The following PLEKHA8 variants were observed in gnomAD, a reference collection of about 807,000 sequenced individuals.
PLEKHA8 encodes pleckstrin homology domain containing A8, also known as pleckstrin homology domain-containing family A member 8.
Under a neutral mutation model 68.2 loss-of-function variants are expected in PLEKHA8, and 36 were observed. That is an observed-to-expected ratio of 0.53 (90% CI 0.40 to 0.70). The LOEUF is 0.70. PLEKHA8 is among the 30% of genes least tolerant of loss of function. PLEKHA8 has a pLI of 0.00. For synonymous variants in PLEKHA8, 211 were observed against 216.1 expected, an observed-to-expected ratio of 0.98 and a Z score of 0.20; for missense variants, 505 against 615.4, an observed-to-expected ratio of 0.82 and a Z score of 1.90.
chr7:30,102,308 T>C (rs1430382229), intron 13 of PLEKHA8, among the ~76,000 whole-genome samples: 1 of 152,212 alleles, frequency 6.6e-6, no homozygotes, highest in African/African-American at 2.4e-5. Context: ...TGTGGAGAAA[T>C]TGAATGTCTT....
rs1160185723 is a variant in PLEKHA8, at chr7:30,082,317, A to T, written c.*3530A>T. On this transcript the variant is annotated 3_prime_UTR_variant, in exon 14 of 14. Transcript: ENST00000449726. The stretch of plus-strand genomic sequence containing the variant: ...CAGCAGTACCGCCATCAGCACACCA[A>T]ATCTACCCCCACTTATGTTTGTTCT... 1.1e-5 allele frequency: 11 copies of T among 985,492 alleles called. No homozygotes were observed. Among genetic ancestry groups the T allele is most frequent in the Non-Finnish European group, 1.3e-5 (11 of 830,036 alleles). The allele number at this position is 985,492 out of a possible 1,614,324, so 61.0% of individuals were successfully genotyped here.
intron 13 of PLEKHA8, among the ~76,000 whole-genome samples, chr7:30,100,604 AAAT>A (rs1795815512): frequency 6.6e-6 from 1 of 152,152 alleles, no homozygotes; most frequent in Non-Finnish European, 1.5e-5. Context: ...AACACAATTC[AAAT>A]AATAACACTA....
chr7:30,108,067 CAAAAAAAAAA>C, intron 13 of PLEKHA8, among the ~76,000 whole-genome samples: 1 of 52,828 alleles, frequency 1.9e-5, no homozygotes. Context: ...AACTCCATCT[CAAAAAAAAAA>C]AAAAAAAAAA....
Position 30,079,207 on chromosome 7 carries a change from G to A in PLEKHA8, c.*420G>A. 1.0e-6 allele frequency: 1 copy of A among 1,004,588 alleles called. No individual in the cohort carries two copies. Among genetic ancestry groups the A allele is most frequent in the Non-Finnish European group, 1.2e-6 (1 of 841,442 alleles). 62.2% of individuals were successfully genotyped at this position (1,004,588 alleles called of 1,614,324 possible). A position where few individuals can be genotyped will look rare whatever the true frequency, so the allele number is the denominator to read the frequency against. On this transcript the variant is annotated 3_prime_UTR_variant, in exon 14 of 14. Transcript: ENST00000449726. Reference sequence around the variant, plus strand: ...TTCAGCCAACTTAGACTAGACATTTGGAGGTAGTATAAGCTGCTTTGTTGA... The same window carrying A: ...TTCAGCCAACTTAGACTAGACATTTAGAGGTAGTATAAGCTGCTTTGTTGA...
chr7:30,099,598 C>T (rs1404607046), intron 13 of PLEKHA8, among the ~76,000 whole-genome samples: 1 of 152,192 alleles, frequency 6.6e-6, no homozygotes, highest in Non-Finnish European at 1.5e-5. Context: ...CCAGCTCAGC[C>T]TCATCGACTT....
intron 12 of PLEKHA8, among the ~76,000 whole-genome samples, chr7:30,066,863 T>G (rs1381491100): frequency 1.3e-5 from 2 of 152,172 alleles, no homozygotes; most frequent in East Asian, 3.8e-4. Flanking sequence ...AGTCATGTAT[T>G]TAATATGAAA....
At chr7:30,050,205 T>G (rs1792295185) in intron 5 of PLEKHA8, among the ~76,000 whole-genome samples, 1 of 152,238 alleles carries the variant, frequency 6.6e-6, no homozygotes, top group African/African-American at 2.4e-5. Context: ...AAAGATCATC[T>G]TCCTTTTCCT....
intron 13 of PLEKHA8, among the ~76,000 whole-genome samples, chr7:30,101,139 G>A (rs780078421): frequency 5.3e-5 from 8 of 150,902 alleles, no homozygotes; most frequent in Non-Finnish European, 1.0e-4. Flanking sequence ...GCAGTGAGCC[G>A]AGATTGCACT....
intron 13 of PLEKHA8, among the ~76,000 whole-genome samples, chr7:30,102,794 C>T (rs1027520631): frequency 6.6e-6 from 1 of 152,242 alleles, no homozygotes; most frequent in African/African-American, 2.4e-5. Context: ...ACACTTTAAT[C>T]CCAGCACTTT....
At position 30,047,256 on chromosome 7, in the gene PLEKHA8, A is replaced by G. The variant is rs566313965; in HGVS notation, c.314-576A>G. ...AGAAGGAAACAGAAAAGTGATAATA[A>G]TTGTAGCTGAGCCCTCGATGCCAGG... is the stretch of plus-strand genomic sequence containing the variant. On this transcript the variant is annotated intron_variant, in intron 3 of 13. Transcript: ENST00000449726. 1.1e-4 allele frequency among the ~76,000 whole-genome samples: 17 copies of G among 152,274 alleles called. No homozygotes were observed. The South Asian group carries it at 3.5e-3, about 32-fold the overall frequency.
chr7:30,036,441 TA>T (rs1791098165), intron 1 of PLEKHA8, among the ~76,000 whole-genome samples: 1 of 151,582 alleles, frequency 6.6e-6, no homozygotes, highest in African/African-American at 2.4e-5. Context: ...GATAGATAGA[TA>T]GATAGATAGA....
chr7:30,075,686 C>G (rs2127997348), intron 13 of PLEKHA8, among the ~76,000 whole-genome samples: 1 of 152,270 alleles, frequency 6.6e-6, no homozygotes, highest in East Asian at 1.9e-4. Flanking sequence ...TGATTGCTAG[C>G]TTGTGCCTGA....
At chr7:30,045,055 T>C in intron 1 of PLEKHA8, 30 bp from the exon 2 acceptor site, 2 of 1,497,836 alleles carry the variant, frequency 1.3e-6, no homozygotes, top group East Asian at 4.5e-5. Flanking sequence ...CAGGCAGTAA[T>C]TGCAATGATG....
chr7:30,034,620 G>T (rs1000416450), intron 1 of PLEKHA8, among the ~76,000 whole-genome samples: 5 of 152,216 alleles, frequency 3.3e-5, no homozygotes, highest in African/African-American at 4.8e-5. Context: ...TTAAGTGGAA[G>T]TGGGTCATTG....
chr7:30,076,818 A>G (rs1794634502), intron 13 of PLEKHA8, among the ~76,000 whole-genome samples: 1 of 152,226 alleles, frequency 6.6e-6, no homozygotes, highest in Non-Finnish European at 1.5e-5. Flanking sequence ...GTTTTCTAAC[A>G]TGCTAACTTG....
chr7:30,070,466 C>CT (rs1794160310), intron 12 of PLEKHA8, among the ~76,000 whole-genome samples: 1 of 150,854 alleles, frequency 6.6e-6, no homozygotes, highest in South Asian at 2.1e-4. Flanking sequence ...AGTTTCTAGG[C>CT]TTTTTTGAAC....
chr7:30,058,473 T>A (rs1026313467), intron 9 of PLEKHA8, among the ~76,000 whole-genome samples: 1,777 of 108,318 alleles, frequency 0.016, 25 homozygotes, highest in East Asian at 0.041. Context: ...TTGAGGTTCT[T>A]TTTTTTTTTT....
At chr7:30,073,475 A>G (rs551528658) in intron 12 of PLEKHA8, among the ~76,000 whole-genome samples, 2 of 148,316 alleles carry the variant, frequency 1.3e-5, no homozygotes, top group South Asian at 2.1e-4. Context: ...GTTTCTTTAT[A>G]TGTATTGACC....
intron 1 of PLEKHA8, among the ~76,000 whole-genome samples, chr7:30,034,906 C>G (rs763854067): frequency 6.6e-6 from 1 of 152,236 alleles, no homozygotes; most frequent in African/African-American, 2.4e-5. Flanking sequence ...TTTGGTGTTA[C>G]ATTATCTTAG....
Sources: gnomAD v4.1 joint callset for allele counts (sites outside exome capture counted in the v4.1 genomes callset) on GRCh38, gnomAD v4.1.1 for gene constraint, MANE v1.5 for transcripts, NCBI Gene and HGNC (gene_info 2026-07-23, HGNC 2026-07-21) for gene names.